NPRL3: variants seen among roughly 807,000 people sequenced by gnomAD.
NPRL3 encodes NPR3 like, GATOR1 complex subunit.
A neutral mutation model predicts 57.2 loss-of-function variants in NPRL3; 23 were observed. That is an observed-to-expected ratio of 0.40 (90% CI 0.29 to 0.57). The LOEUF (loss-of-function observed/expected upper bound fraction) is 0.57. Ranked by LOEUF, NPRL3 falls within the 20% of genes least tolerant of loss-of-function variation. The probability of loss-of-function intolerance (pLI) is 0.42; values close to 1 mark genes in which losing one functional copy is unlikely to be tolerated. For missense variants in NPRL3, 691 were observed against 767.1 expected (o/e 0.90, Z 1.17); for synonymous variants, 333 against 321.1 (o/e 1.04, Z -0.39).
At chr16:118,614 G>A (rs1900146090) in intron 4 of NPRL3, among the ~76,000 whole-genome samples, 1 of 152,198 alleles carries the variant, frequency 6.6e-6, no homozygotes, top group Non-Finnish European at 1.5e-5. Flanking sequence ...AGGGACTGAA[G>A]CACCTGTCTT....
chr16:112,502 T>G (rs1899859673), intron 6 of NPRL3, 120 bp downstream of exon 6: 1 of 1,019,802 alleles, frequency 9.8e-7, no homozygotes, highest in Admixed American at 3.4e-5. Flanking sequence ...TTGGGGTGGG[T>G]GAGGCCCCGC....
At chr16:130,669 C>T in intron 2 of NPRL3, 78 bp from the exon 3 acceptor site, 2 of 1,390,032 alleles carry the variant, frequency 1.4e-6, no homozygotes, top group Non-Finnish European at 2.0e-6. Context: ...GAACCGTTAA[C>T]AGCCATGTTT....
At chr16:90,220 G>T in intron 11 of NPRL3, 1 of 357,392 alleles carries the variant, frequency 2.8e-6, no homozygotes, top group African/African-American at 2.2e-5. Flanking sequence ...GCTTCGCTGA[G>T]CAAACCCCCC....
intron 3 of NPRL3, 24 bp downstream of exon 3, chr16:130,498 C>G (rs1596539719): frequency 7.8e-6 from 12 of 1,547,094 alleles, no homozygotes; most frequent in African/African-American, 1.4e-5. Flanking sequence ...ACGCCCCGCC[C>G]TGAAGTGGCC....
chr16:98,869 C>T (rs1899145373), intron 8 of NPRL3, among the ~76,000 whole-genome samples: 2 of 152,100 alleles, frequency 1.3e-5, no homozygotes, highest in Admixed American at 6.5e-5. Context: ...GCCTGGGAGG[C>T]GGAGCTTGCA....
chr16:133,226 C>T (rs1030489320), intron 2 of NPRL3, among the ~76,000 whole-genome samples: 5 of 152,038 alleles, frequency 3.3e-5, no homozygotes, highest in Admixed American at 2.6e-4. Context: ...ATTCACTGTT[C>T]TGTTTTGCTT....
In NPRL3 at chr16:89,846, C is replaced by T. The variant is rs1320922271; in HGVS notation, c.1218G>A (p.Leu406=). ...AGGCCATCAGGCAGACATAGGTGTG[C>T]AGCTGGATGAGAAGCCGGCGCTGCA... ...WMLQRRLLIQ[L]HTYVCLMASP... Residue 406 remains leucine, a synonymous_variant, in exon 12 of 14, where the codon CTG becomes CTA. Transcript: ENST00000611875. The T allele has an allele frequency of 1.0e-5, 16 of 1,576,434 alleles. No individual in the cohort carries two copies. The highest frequency in any genetic ancestry group is 1.4e-5 in the Non-Finnish European group (16 of 1,162,642).
chr16:123,264 G>T (rs1305254756), intron 3 of NPRL3, among the ~76,000 whole-genome samples: 1 of 152,122 alleles, frequency 6.6e-6, no homozygotes, highest in Non-Finnish European at 1.5e-5. Flanking sequence ...AGTCTCCCGG[G>T]TGCCAGCCAG....
chr16:135,581 C>A (rs1422377951), intron 2 of NPRL3, among the ~76,000 whole-genome samples: 1 of 145,220 alleles, frequency 6.9e-6, no homozygotes, highest in Admixed American at 7.0e-5. Flanking sequence ...TGCACTCCAG[C>A]CTGGGCAACA....
chr16:94,684 G>A (rs1209330059), intron 9 of NPRL3, among the ~76,000 whole-genome samples: 1 of 152,186 alleles, frequency 6.6e-6, no homozygotes, highest in Non-Finnish European at 1.5e-5. Context: ...CCTGGGAGGT[G>A]GGGGTTGCAG....
At chr16:120,047 A>G (rs532274245) in intron 3 of NPRL3, among the ~76,000 whole-genome samples, 29 of 152,114 alleles carry the variant, frequency 1.9e-4, no homozygotes, top group African/African-American at 5.8e-4. Context: ...GGAGATCTGG[A>G]TAAGGGAGTG....
At chr16:135,572 G>A (rs1255971602) in intron 2 of NPRL3, among the ~76,000 whole-genome samples, 3 of 136,768 alleles carry the variant, frequency 2.2e-5, no homozygotes, top group African/African-American at 8.5e-5. Context: ...TCAGGCCATT[G>A]CACTCCAGCC....
At chr16:124,825 C>T (rs1264269400) in intron 3 of NPRL3, 1 of 152,236 alleles carries the variant, frequency 6.6e-6, no homozygotes, top group Non-Finnish European at 1.5e-5. Flanking sequence ...GCCTGTAATC[C>T]TAGCACTTTG....
In NPRL3 at chr16:85,573, T is replaced by C; in HGVS notation, c.*1132A>G. ...AGGCCCTGGCCATCAACAAGAGCTT[T>C]GACCAGAGGGACCTGGCACAGGATG... On this transcript the variant is annotated 3_prime_UTR_variant, in exon 14 of 14. Transcript: ENST00000611875. 6.2e-7 allele frequency: 1 copy of C among 1,613,320 alleles called. No individual in the cohort carries two copies. The highest frequency in any genetic ancestry group is 8.5e-7 in the Non-Finnish European group (1 of 1,179,880).
At chr16:100,888 T>C (rs966266162) in intron 7 of NPRL3, among the ~76,000 whole-genome samples, 1 of 136,376 alleles carries the variant, frequency 7.3e-6, no homozygotes, top group Admixed American at 8.7e-5. Context: ...GGAGAATCAC[T>C]TGAACCCAGG....
At chr16:123,644 G>T (rs1410733611) in intron 3 of NPRL3, 1 of 450,430 alleles carries the variant, frequency 2.2e-6, no homozygotes, top group Non-Finnish European at 4.6e-6. Flanking sequence ...CTGCACAAAA[G>T]TCTAGCAGAA....
chr16:88,105 G>C (rs1240744555), intron 13 of NPRL3, among the ~76,000 whole-genome samples: 1 of 152,212 alleles, frequency 6.6e-6, no homozygotes, highest in Non-Finnish European at 1.5e-5. Flanking sequence ...CCCCAAGTCA[G>C]GGTGGGGCTG....
In NPRL3 at chr16:98,370, CTGCACCAGGTA is replaced by C. The variant is rs950938690; in HGVS notation, c.768-80_768-70del. Reference sequence around the variant, plus strand: ...CCCTGCACCGGGTATGCACCAGGTCCTGCACCAGGTATGCACCGGGTATGCACCAGGTCCTG... The same window carrying C: ...CCCTGCACCGGGTATGCACCAGGTCCTGCACCGGGTATGCACCAGGTCCTG... On this transcript the variant is annotated intron_variant, in intron 8 of 13. Coordinates refer to ENST00000611875, the MANE Select transcript of NPRL3 (RefSeq NM_001077350.3). 16 of 1,536,208 alleles carry C rather than the reference CTGCACCAGGTA, an allele frequency of 1.0e-5. No homozygotes were observed. In the Admixed American group the frequency reaches 1.7e-4, roughly 16 times the overall value.
Position 112,784 on chromosome 16 carries a change from G to A in NPRL3, c.394-9C>T. On this transcript the variant is annotated splice_polypyrimidine_tract_variant and intron_variant, in intron 5 of 13. Coordinates refer to ENST00000611875, the MANE Select transcript of NPRL3 (RefSeq NM_001077350.3). Reference sequence around the variant, plus strand: ...GACGGGTCTGCGTTGGCCTGCAGGAGAGAGACCATACACAGACTCAAACGT... The same window carrying A: ...GACGGGTCTGCGTTGGCCTGCAGGAAAGAGACCATACACAGACTCAAACGT... 3 of 1,587,364 alleles carry A rather than the reference G, an allele frequency of 1.9e-6. No homozygotes were observed. Among genetic ancestry groups the A allele is most frequent in the Non-Finnish European group, 2.6e-6 (3 of 1,161,098 alleles).
Sources: gnomAD v4.1 joint callset for allele counts (sites outside exome capture counted in the v4.1 genomes callset) on GRCh38, gnomAD v4.1.1 for gene constraint, MANE v1.5 for transcripts, NCBI Gene and HGNC (gene_info 2026-07-23, HGNC 2026-07-21) for gene names.